The following XIRP2 variants were observed in gnomAD, a reference collection of about 807,000 sequenced individuals.
The protein encoded by XIRP2 is xin actin binding repeat containing 2, also known as xin actin-binding repeat-containing protein 2.
Under a neutral mutation model 277.0 loss-of-function variants are expected in XIRP2, and 236 were observed. That is an observed-to-expected ratio of 0.85 (90% CI 0.77 to 0.95). XIRP2 has a LOEUF of 0.95. Among genes scored for constraint, XIRP2 ranks in the 40% least tolerant of loss-of-function variants. The probability of loss-of-function intolerance (pLI) is 0.00; values close to 1 mark genes in which losing one functional copy is unlikely to be tolerated. For synonymous variants in XIRP2, 1,490 were observed against 1,416.5 expected (o/e 1.05, Z -1.17); for missense variants, 4,640 against 4,157.5 (o/e 1.12, Z -3.19).
At chr2:166,998,904 A>G (rs989807189) in intron 2 of XIRP2, among the ~76,000 whole-genome samples, 5 of 152,190 alleles carry the variant, frequency 3.3e-5, no homozygotes, top group African/African-American at 1.2e-4. Flanking sequence ...AAAGAAACTC[A>G]TTACAATTTT....
chr2:166,988,208 G>T (rs946696992), intron 2 of XIRP2, among the ~76,000 whole-genome samples: 6 of 152,108 alleles, frequency 3.9e-5, no homozygotes, highest in African/African-American at 7.2e-5. Flanking sequence ...CATTACCTCT[G>T]TTGTATTATT....
intron 2 of XIRP2, among the ~76,000 whole-genome samples, chr2:166,945,663 C>CTTTTTTTTT (rs71395267): frequency 5.8e-5 from 4 of 69,262 alleles, no homozygotes; most frequent in African/African-American, 1.2e-4. Flanking sequence ...TAAGATAAAT[C>CTTTTTTTTT]TTTTTTTTTT....
intron 2 of XIRP2, among the ~76,000 whole-genome samples, chr2:167,026,054 G>A (rs1574177921): frequency 6.6e-6 from 1 of 152,098 alleles, no homozygotes. Context: ...TGAGTGTGGG[G>A]TGTTAAAGTC....
rs148220335 is a variant in XIRP2, at chr2:167,126,933, C to T, written c.409-8976C>T. ...AACACCATGCCTGATATGTAATGAG[C>T]GTTCAATACCTCCTACCTATTATTG... On this transcript the variant is annotated intron_variant, in intron 2 of 10. Coordinates refer to ENST00000409195, the MANE Select transcript of XIRP2 (RefSeq NM_152381.6). Among the ~76,000 whole-genome samples, 21 of 152,214 alleles carry T rather than the reference C, an allele frequency of 1.4e-4. No homozygotes were observed. In the East Asian group the frequency reaches 2.3e-3, roughly 17 times the overall value.
At chr2:166,972,397 T>C (rs1387808213) in intron 2 of XIRP2, among the ~76,000 whole-genome samples, 1 of 152,170 alleles carries the variant, frequency 6.6e-6, no homozygotes, top group Non-Finnish European at 1.5e-5. Flanking sequence ...AGCAGCTCGA[T>C]GATGTCAAAA....
intron 4 of XIRP2, among the ~76,000 whole-genome samples, chr2:167,214,432 G>A (rs546886093): frequency 6.8e-6 from 1 of 147,058 alleles, no homozygotes; most frequent in East Asian, 2.1e-4. Context: ...AGCCGAGATC[G>A]TGCTGCTGCA....
intron 2 of XIRP2, among the ~76,000 whole-genome samples, chr2:167,063,452 TC>T (rs926849370): frequency 6.6e-6 from 1 of 151,966 alleles, no homozygotes; most frequent in African/African-American, 2.4e-5. Flanking sequence ...GTCCTTTATA[TC>T]CTATTGGTTT....
At chr2:167,234,622 A>G (rs1241691369) in intron 5 of XIRP2, among the ~76,000 whole-genome samples, 2 of 151,886 alleles carry the variant, frequency 1.3e-5, no homozygotes, top group East Asian at 3.9e-4. Context: ...ATGTTTTAAC[A>G]TTATCAGTTT....
intron 3 of XIRP2, among the ~76,000 whole-genome samples, chr2:167,168,379 T>C (rs1441352773): frequency 2.6e-5 from 4 of 152,164 alleles, no homozygotes; most frequent in South Asian, 2.1e-4. Flanking sequence ...ACATTTTTTT[T>C]TGTAAGTTGT....
At position 166,940,253 on chromosome 2, in the gene XIRP2, G is replaced by T. The variant is rs577227124; in HGVS notation, c.408+36363G>T. Among the ~76,000 whole-genome samples, 6 of 152,160 alleles carry T rather than the reference G, an allele frequency of 3.9e-5. 1 individual carries two copies. In the East Asian group the frequency reaches 1.2e-3, roughly 29 times the overall value. On this transcript the variant is annotated intron_variant, in intron 2 of 10. Coordinates refer to ENST00000409195, the MANE Select transcript of XIRP2 (RefSeq NM_152381.6). The stretch of plus-strand genomic sequence containing the variant: ...TTGATCGAATCAGCTACTTAAGCTT[G>T]TGCATTCATCACGTAGTTCTCATGC...
chr2:167,161,401 G>A (rs561038644), intron 3 of XIRP2, among the ~76,000 whole-genome samples: 1 of 152,212 alleles, frequency 6.6e-6, no homozygotes, highest in Non-Finnish European at 1.5e-5. Context: ...GCAAACTTCT[G>A]CCTGGACATC....
intron 7 of XIRP2, among the ~76,000 whole-genome samples, chr2:167,241,191 G>A (rs58432165): frequency 0.058 from 8,799 of 152,022 alleles, 286 homozygotes; most frequent in East Asian, 0.11. Flanking sequence ...GACATAGTTT[G>A]TCTTGTCTAT....
chr2:166,904,875 G>A (rs1340487732), intron 2 of XIRP2, among the ~76,000 whole-genome samples: 7 of 151,978 alleles, frequency 4.6e-5, no homozygotes, highest in African/African-American at 1.7e-4. Context: ...AGCCTTCATA[G>A]AAGCCATCAC....
At chr2:167,237,295 CATTT>C (rs1694927671) in intron 5 of XIRP2, among the ~76,000 whole-genome samples, 2 of 152,132 alleles carry the variant, frequency 1.3e-5, no homozygotes, top group Admixed American at 6.6e-5. Context: ...GTCAAAATTA[CATTT>C]ATTTACAGTT....
chr2:167,206,392 T>G (rs1483376679), intron 3 of XIRP2, among the ~76,000 whole-genome samples: 1 of 152,236 alleles, frequency 6.6e-6, no homozygotes, highest in Non-Finnish European at 1.5e-5. Context: ...ATGCTATTGA[T>G]TTTCTTTTCT....
Position 167,249,406 on chromosome 2 carries a change from G to C in XIRP2, c.8014G>C (p.Ala2672Pro), listed in dbSNP as rs1025900142. ...AAGGGACATTATGCAATCCAAATCAGCTTGCGAAATTAAACAAAGTCACCA... is the reference window on the plus strand; with the variant it reads ...AAGGGACATTATGCAATCCAAATCACCTTGCGAAATTAAACAAAGTCACCA... Reference protein sequence around the residue: ...SSRDIMQSKSACEIKQSHQEC... With the variant: ...SSRDIMQSKSPCEIKQSHQEC... Residue 2672 changes from alanine (A) to proline (P), a missense_variant, in exon 9 of 11, where the codon GCT becomes CCT. Physicochemically the swap from Ala to Pro is conservative, Grantham distance 27. Transcript: ENST00000409195. 1 of 1,613,642 alleles carries C rather than the reference G, an allele frequency of 6.2e-7. No individual in the cohort carries two copies. Among genetic ancestry groups the C allele is most frequent in the Non-Finnish European group, 8.5e-7 (1 of 1,179,850 alleles).
At chr2:167,069,494 G>A (rs1689385499) in intron 2 of XIRP2, among the ~76,000 whole-genome samples, 1 of 152,092 alleles carries the variant, frequency 6.6e-6, no homozygotes. Context: ...TCTAATCTTT[G>A]TCTTATCAGA....
chr2:167,075,029 G>A (rs748028716), intron 2 of XIRP2, among the ~76,000 whole-genome samples: 1 of 152,146 alleles, frequency 6.6e-6, no homozygotes, highest in Non-Finnish European at 1.5e-5. Flanking sequence ...GAAATTCAAT[G>A]AGAATTATCT....
chr2:167,133,872 G>A (rs1176272204), intron 2 of XIRP2, among the ~76,000 whole-genome samples: 2 of 152,138 alleles, frequency 1.3e-5, no homozygotes, highest in Non-Finnish European at 2.9e-5. Flanking sequence ...GTCTGACACT[G>A]TGTCTCAACA....
Sources: gnomAD v4.1 joint callset for allele counts (sites outside exome capture counted in the v4.1 genomes callset) on GRCh38, gnomAD v4.1.1 for gene constraint, MANE v1.5 for transcripts, NCBI Gene and HGNC (gene_info 2026-07-23, HGNC 2026-07-21) for gene names.